The following SDF4 variants were observed in gnomAD, a reference collection of about 807,000 sequenced individuals.
SDF4 encodes the protein 45 kDa calcium-binding protein.
SDF4 carries 22 observed loss-of-function variants against 34.2 expected under a neutral mutation model. The ratio of observed to expected loss-of-function variants is 0.64; its 90% CI spans 0.46 to 0.92. The LOEUF is 0.92. Among genes scored for constraint, SDF4 ranks in the 40% least tolerant of loss-of-function variants. SDF4 has a pLI of 0.00. For missense variants in SDF4, 447 were observed against 499.9 expected (o/e 0.89, Z 1.01); for synonymous variants, 236 against 203.1 (o/e 1.16, Z -1.38).
At position 1,217,511 on chromosome 1, in the gene SDF4, C is replaced by G. The variant is rs1649585971; in HGVS notation, c.*1G>C. 6.3e-7 allele frequency: 1 copy of G among 1,586,558 alleles called. No homozygotes were observed. The highest frequency in any genetic ancestry group is 1.9e-4 in the Middle Eastern group (1 of 5,278). On this transcript the variant is annotated 3_prime_UTR_variant, in exon 7 of 7. Coordinates refer to ENST00000360001, the MANE Select transcript of SDF4 (RefSeq NM_016176.6). This position sits in a 1 kb window ranked among gnomAD's most constrained non-coding sequence, Gnocchi z 8.5. ...GGGCGGCGCGGGGCGCGGCCGGGCGCTCAAAACTCCTCGTGCACGCTGCGC... is the reference window on the plus strand; with the variant it reads ...GGGCGGCGCGGGGCGCGGCCGGGCGGTCAAAACTCCTCGTGCACGCTGCGC...
chr1:1,230,080 C>T (rs1638445711), intron 1 of SDF4, among the ~76,000 whole-genome samples: 2 of 152,212 alleles, frequency 1.3e-5, no homozygotes, highest in South Asian at 2.1e-4. Context: ...AAAGGGAACT[C>T]GGGGTCCTTC....
In SDF4 at chr1:1,223,948, C is replaced by T. The variant is rs1023477744; in HGVS notation, c.326G>A (p.Arg109Gln). ...CTGCATCTCCTTGGCACTGATCTTC[C>T]GGTCAGTGTTCACATCCACCCTGCA... Reference protein sequence around the residue: ...IFSKVDVNTDRKISAKEMQRW... With the variant: ...IFSKVDVNTDQKISAKEMQRW... Residue 109 changes from arginine (R) to glutamine (Q), a missense_variant, in exon 3 of 7, where the codon CGG becomes CAG. Coordinates refer to ENST00000360001, the MANE Select transcript of SDF4 (RefSeq NM_016176.6). 8 of 1,611,166 alleles carry T rather than the reference C, an allele frequency of 5.0e-6. No homozygotes were observed. The highest frequency in any genetic ancestry group is 6.8e-6 in the Non-Finnish European group (8 of 1,179,864).
intron 4 of SDF4, chr1:1,220,681 G>A (rs756865697): frequency 2.1e-4 from 274 of 1,289,064 alleles, no homozygotes; most frequent in Admixed American, 9.9e-4. Context: ...AAAGGTAGAC[G>A]GAGGCTTCAC....
chr1:1,231,077 G>A (rs979449912), intron 1 of SDF4, among the ~76,000 whole-genome samples: 5 of 152,152 alleles, frequency 3.3e-5, no homozygotes, highest in African/African-American at 9.7e-5. Flanking sequence ...AAAACAAAAA[G>A]ATAAGACCCT....
chr1:1,219,634 C>T (rs1649794705), intron 4 of SDF4: 1 of 986,298 alleles, frequency 1.0e-6, no homozygotes, highest in Non-Finnish European at 1.2e-6. Flanking sequence ...TGTGTGGCCC[C>T]CGCTCTCCTG....
rs747545557 is a variant in SDF4 at position 1,223,933 on chromosome 1, T to C, written c.341A>G (p.Lys114Arg). 3 of 1,611,576 alleles carry C rather than the reference T, an allele frequency of 1.9e-6. No individual in the cohort carries two copies. Among genetic ancestry groups the C allele is most frequent in the South Asian group, 1.1e-5 (1 of 91,064 alleles). Residue 114 changes from lysine (K) to arginine (R), a missense_variant, in exon 3 of 7, where the codon AAG becomes AGG. Physicochemically the swap from Lys to Arg is conservative, Grantham distance 26. Transcript: ENST00000360001. ...CTCCATGATCCAGCGCTGCATCTCC[T>C]TGGCACTGATCTTCCGGTCAGTGTT... ...DVNTDRKISA[K>R]EMQRWIMEKT...
chr1:1,219,033 G>A (rs765218902), intron 4 of SDF4, 106 bp from the exon 5 acceptor site: 25 of 1,605,158 alleles, frequency 1.6e-5, no homozygotes, highest in East Asian at 9.0e-5. Flanking sequence ...AGCCACCCGC[G>A]AGACCGGGGC....
At chr1:1,229,519 TAC>T (rs1043366356) in intron 1 of SDF4, among the ~76,000 whole-genome samples, 14 of 152,210 alleles carry the variant, frequency 9.2e-5, no homozygotes, top group Non-Finnish European at 1.8e-4. Flanking sequence ...GTCTTTTTTT[TAC>T]AGACACTGAG....
In SDF4 at chr1:1,228,214, C is replaced by T. The variant is rs745614301; in HGVS notation, c.305+254G>A. On this transcript the variant is annotated intron_variant, in intron 2 of 6. Coordinates refer to ENST00000360001, the MANE Select transcript of SDF4 (RefSeq NM_016176.6). ...GGGCTCCTCCAGGCTGTCCTAGGGA[C>T]GGCCACACAGGCCCACTCTGGCCCT... 5.5e-4 allele frequency among the ~76,000 whole-genome samples: 84 copies of T among 152,350 alleles called. 1 individual carries two copies. Among genetic ancestry groups the T allele is most frequent in the Non-Finnish European group, 7.6e-4 (52 of 68,016 alleles).
rs980159664 is a variant in SDF4 at position 1,222,427 on chromosome 1, C to T, written c.556+817G>A. Among the ~76,000 whole-genome samples, 69 of 152,196 alleles carry T rather than the reference C, an allele frequency of 4.5e-4. 1 individual carries two copies. ...GCAGAGGCACCAGCTTGGACCCGCCCAGGGCTGAGGCTGCCCTGCTGGCCA... is the reference window on the plus strand; with the variant it reads ...GCAGAGGCACCAGCTTGGACCCGCCTAGGGCTGAGGCTGCCCTGCTGGCCA... On this transcript the variant is annotated intron_variant, in intron 4 of 6. Transcript: ENST00000360001.
intron 2 of SDF4, among the ~76,000 whole-genome samples, chr1:1,226,406 G>C (rs1326785458): frequency 6.6e-6 from 1 of 152,032 alleles, no homozygotes; most frequent in South Asian, 2.1e-4. Context: ...AACCCTGTAC[G>C]GTCAGGAGAA....
At chr1:1,223,185 AC>A in intron 4 of SDF4, 58 bp downstream of exon 4, 1 of 1,123,688 alleles carries the variant, frequency 8.9e-7, no homozygotes, top group Non-Finnish European at 1.3e-6. Context: ...TACACACAAC[AC>A]ACGCGCGCAC....
At chr1:1,223,436 T>A in intron 3 of SDF4, 79 bp from the exon 4 acceptor site, 1 of 1,072,062 alleles carries the variant, frequency 9.3e-7, no homozygotes, top group Middle Eastern at 2.1e-4. Flanking sequence ...GGTCTTGCTC[T>A]GCTGCCCAGG....
intron 3 of SDF4, 46 bp downstream of exon 3, chr1:1,223,786 G>GGCCCCCCCCCCCCCCCCCCCC: frequency 3.6e-5 from 21 of 585,240 alleles, no homozygotes; most frequent in Admixed American, 6.4e-5. Flanking sequence ...CCATGGCCCT[G>GGCCCCCCCCCCCCCCCCCCCC]CCCGCCCCGC....
rs151100143 is a variant in SDF4, at chr1:1,217,754, G to A, written c.892-66C>T. The A allele has an allele frequency of 3.3e-5, 53 of 1,607,202 alleles. No homozygotes were observed. Among genetic ancestry groups the A allele is most frequent in the South Asian group, 9.9e-5 (9 of 90,770 alleles). ...CTCCGAGCTCCGCGGCCAGCCGCACGAAGTGGCTATTTAAGGTGCCTATTG... is the reference window on the plus strand; with the variant it reads ...CTCCGAGCTCCGCGGCCAGCCGCACAAAGTGGCTATTTAAGGTGCCTATTG... On this transcript the variant is annotated intron_variant, in intron 6 of 6. Transcript: ENST00000360001. This position sits in a 1 kb window ranked among gnomAD's most constrained non-coding sequence, Gnocchi z 8.5.
Position 1,223,811 on chromosome 1 carries a change from AC to A in SDF4, c.442+20del, listed in dbSNP as rs993556075. ...GCCCGCCCCGCCCACCGCCCCACCC[AC>A]CCCGGCCCAGCCACAGTACCGTCCC... is the stretch of plus-strand genomic sequence containing the variant. On this transcript the variant is annotated intron_variant, in intron 3 of 6. Coordinates refer to ENST00000360001, the MANE Select transcript of SDF4 (RefSeq NM_016176.6). 4 of 226,496 alleles carry A rather than the reference AC, an allele frequency of 1.8e-5. No homozygotes were observed. The highest frequency in any genetic ancestry group is 1.9e-5 in the Non-Finnish European group (3 of 160,078). 14.0% of individuals were successfully genotyped at this position (226,496 alleles called of 1,614,324 possible). A position where few individuals can be genotyped will look rare whatever the true frequency, so the allele number is the denominator to read the frequency against.
Position 1,228,657 on chromosome 1 carries a change from TCTC to T in SDF4, c.113_115del (p.Arg38_Glu39delinsGln), listed in dbSNP as rs1263350270. Reference sequence around the variant, plus strand: ...ATTCTCCTCCCTGTTGGCTACTCTCTCTCGAGTGGACGAGTGGTTGGCAGGCCG... The same window carrying T: ...ATTCTCCTCCCTGTTGGCTACTCTCTGAGTGGACGAGTGGTTGGCAGGCCG... On this transcript the variant is annotated inframe_deletion, in exon 2 of 7. Transcript: ENST00000360001. 6.2e-7 allele frequency: 1 copy of T among 1,613,066 alleles called. No homozygotes were observed. Among genetic ancestry groups the T allele is most frequent in the African/African-American group, 1.3e-5 (1 of 75,028 alleles).
chr1:1,219,938 A>G, intron 4 of SDF4: 3 of 985,618 alleles, frequency 3.0e-6, no homozygotes, highest in Non-Finnish European at 3.6e-6. Flanking sequence ...ACCTCCATCT[A>G]CACGACCGGT....
chr1:1,223,896 C>T lies in SDF4; in HGVS notation c.378G>A (p.Glu126=). 4 of 1,609,144 alleles carry T rather than the reference C, an allele frequency of 2.5e-6. No individual in the cohort carries two copies. Among genetic ancestry groups the T allele is most frequent in the Non-Finnish European group, 3.4e-6 (4 of 1,179,240 alleles). ...TCTCCTCCATGGCCTCCTGGAAGTG[C>T]TCGGCCGTCTTCTCCATGATCCAGC... ...MQRWIMEKTA[E]HFQEAMEESK... is the part of the protein sequence containing the mutation. Residue 126 remains glutamate (E), a synonymous_variant, in exon 3 of 7, where the codon GAG becomes GAA. Transcript: ENST00000360001.
Sources: gnomAD v4.1 joint callset for allele counts (sites outside exome capture counted in the v4.1 genomes callset) on GRCh38, gnomAD v4.1.1 for gene constraint, Gnocchi (gnomAD v3.1) non-coding constraint, MANE v1.5 for transcripts, NCBI Gene and HGNC (gene_info 2026-07-23, HGNC 2026-07-21) for gene names.